Variants in ADGRF4 observed in about 807,000 individuals in gnomAD.
ADGRF4 encodes the protein adhesion G protein-coupled receptor F4.
A neutral mutation model predicts 58.5 loss-of-function variants in ADGRF4; 63 were observed. The ratio of observed to expected loss-of-function variants is 1.08; its 90% confidence interval spans 0.88 to 1.33. The LOEUF (loss-of-function observed/expected upper bound fraction) is 1.33. Among genes scored for constraint, ADGRF4 ranks in the 40% most tolerant of loss-of-function variants. ADGRF4 has a pLI of 0.00. For missense variants in ADGRF4, 931 were observed against 843.9 expected (o/e 1.10, Z -1.28); for synonymous variants, 313 against 295.4 (o/e 1.06, Z -0.61).
Position 47,721,635 on chromosome 6 carries a change from A to T in ADGRF4, c.*430A>T, listed in dbSNP as rs933792216. The T allele has an allele frequency of 6.6e-6, 1 of 151,256 alleles. No homozygotes were observed. Among genetic ancestry groups the T allele is most frequent in the Non-Finnish European group, 1.5e-5 (1 of 67,882 alleles). 9.4% of individuals were successfully genotyped at this position (151,256 alleles called of 1,614,324 possible). On this transcript the variant is annotated 3_prime_UTR_variant, in exon 10 of 10. Transcript: ENST00000283303. The stretch of plus-strand genomic sequence containing the variant: ...TGGATCCTGGGTACTTTGGACAGTG[A>T]GGGTTCGATCCAATTTTAGGGGTAG...
chr6:47,704,264 G>A (rs897775756), intron 1 of ADGRF4, among the ~76,000 whole-genome samples: 1 of 151,970 alleles, frequency 6.6e-6, no homozygotes, highest in African/African-American at 2.4e-5. Context: ...GGCTGGTCTC[G>A]AACTCCTGAC....
intron 2 of ADGRF4, 27 bp downstream of exon 2, chr6:47,707,365 C>T (rs767600291): frequency 7.3e-7 from 1 of 1,368,824 alleles, no homozygotes; most frequent in South Asian, 1.2e-5. Context: ...CCTATGTGAT[C>T]CGAGGAGAAA....
Position 47,713,979 on chromosome 6 carries a change from T to A in ADGRF4, c.734T>A (p.Phe245Tyr). The A allele has an allele frequency of 6.2e-7, 1 of 1,604,572 alleles. No individual in the cohort carries two copies. Among genetic ancestry groups the A allele is most frequent in the Non-Finnish European group, 8.5e-7 (1 of 1,175,214 alleles). Reference protein sequence around the residue: ...VNELFIQTKGFHINHNTSEKS... With the variant: ...VNELFIQTKGYHINHNTSEKS... Reference sequence around the variant, plus strand: ...GAACTCTTCATTCAGACAAAAGGGTTTCACATCAACCATAATACCTCAGAG... The same window carrying A: ...GAACTCTTCATTCAGACAAAAGGGTATCACATCAACCATAATACCTCAGAG... Residue 245 changes from phenylalanine to tyrosine, a missense_variant, in exon 6 of 10, where the codon TTT becomes TAT. By Grantham distance (22) the Phe-to-Tyr change is conservative (BLOSUM62 3). Coordinates refer to ENST00000283303, the MANE Select transcript of ADGRF4 (RefSeq NM_153838.5).
chr6:47,713,808 A>T lies in ADGRF4; in HGVS notation c.563A>T (p.Glu188Val). 6.5e-7 allele frequency: 1 copy of T among 1,548,010 alleles called. No homozygotes were observed. ...VTREKMKSYS[E>V]VANHILDTAA... ...CTTTCTCCATTGCAGAGCTATAGTG[A>T]AGTGGCCAACCACATCCTCGACACA... The change falls in exon 6 of 10, where the codon GAA (glutamate) becomes GTA (valine). Residue 188 changes from glutamate (E) to valine (V), a missense_variant. Glu to Val is a moderately radical substitution (Grantham distance 121, BLOSUM62 -2). Coordinates refer to ENST00000283303, the MANE Select transcript of ADGRF4 (RefSeq NM_153838.5).
intron 1 of ADGRF4, among the ~76,000 whole-genome samples, chr6:47,705,290 T>C (rs569385224): frequency 6.6e-6 from 1 of 152,378 alleles, no homozygotes; most frequent in South Asian, 2.1e-4. Context: ...TAAAACAATT[T>C]ATACTGTTTC....
intron 4 of ADGRF4, among the ~76,000 whole-genome samples, chr6:47,711,620 C>T (rs747234009): frequency 2.6e-5 from 4 of 152,224 alleles, no homozygotes; most frequent in Non-Finnish European, 5.9e-5. Flanking sequence ...GATGTGTGCT[C>T]AATCTAGAGG....
Position 47,714,671 on chromosome 6 carries a change from G to A in ADGRF4, c.1426G>A (p.Val476Met), listed in dbSNP as rs755434519. 1.9e-6 allele frequency: 3 copies of A among 1,614,038 alleles called. No individual in the cohort carries two copies. The highest frequency in any genetic ancestry group is 2.7e-5 in the African/African-American group (2 of 74,920). The change falls in exon 6 of 10, where the codon GTG (valine) becomes ATG (methionine). Residue 476 changes from valine (V) to methionine (M), a missense_variant. Val to Met is a conservative substitution (Grantham distance 21). Transcript: ENST00000283303. ...CCAGGACTACAACATGTGTGTTGCA[G>A]TGACATTTTTCAGCCACTTTTTCTA... is the stretch of plus-strand genomic sequence containing the variant. ...KAQDYNMCVAVTFFSHFFYLS... is the reference protein window; with the variant it reads ...KAQDYNMCVAMTFFSHFFYLS...
Position 47,715,005 on chromosome 6 carries a change from C to T in ADGRF4, c.1760C>T (p.Pro587Leu). The T allele has an allele frequency of 1.2e-6, 2 of 1,613,282 alleles. No homozygotes were observed. The highest frequency in any genetic ancestry group is 1.1e-5 in the South Asian group (1 of 91,072). ...GTTGTTGCTGTCAACACTCAGAGGC[C>T]CTCTATTGGCAGTTCCAAGTCTCAG... ...VLVVAVNTQR[P>L]SIGSSKSQDV... is the part of the protein sequence containing the mutation. Residue 587 changes from proline to leucine, a missense_variant, in exon 6 of 10, where the codon CCC (proline) becomes CTC (leucine). By Grantham distance (98) the Pro-to-Leu change is moderately conservative. Coordinates refer to ENST00000283303, the MANE Select transcript of ADGRF4 (RefSeq NM_153838.5).
intron 4 of ADGRF4, among the ~76,000 whole-genome samples, chr6:47,711,425 G>A (rs1771869251): frequency 6.6e-6 from 1 of 152,092 alleles, no homozygotes; most frequent in East Asian, 1.9e-4. Flanking sequence ...ACCACACCCA[G>A]CTAATTTTTG....
intron 1 of ADGRF4, among the ~76,000 whole-genome samples, chr6:47,700,894 A>G (rs982632772): frequency 6.6e-6 from 1 of 152,260 alleles, no homozygotes; most frequent in Non-Finnish European, 1.5e-5. Context: ...TCTGTATCTT[A>G]TCCTCTGCTG....
In ADGRF4 at chr6:47,716,787, C is replaced by A; in HGVS notation, c.1933-19C>A. 1 of 1,588,464 alleles carries A rather than the reference C, an allele frequency of 6.3e-7. No homozygotes were observed. On this transcript the variant is annotated intron_variant, in intron 6 of 9. Transcript: ENST00000283303. ...TTTTGAAAAACCATCCCTCATGAATCTGTTCAATTTTGCCACAGGGTTTTT... is the reference window on the plus strand; with the variant it reads ...TTTTGAAAAACCATCCCTCATGAATATGTTCAATTTTGCCACAGGGTTTTT...
intron 1 of ADGRF4, among the ~76,000 whole-genome samples, chr6:47,703,089 C>A (rs1334224935): frequency 6.6e-6 from 1 of 152,182 alleles, no homozygotes; most frequent in Non-Finnish European, 1.5e-5. Context: ...GGAGACCACT[C>A]ACTACATATA....
intron 1 of ADGRF4, among the ~76,000 whole-genome samples, chr6:47,703,890 T>C (rs1182536769): frequency 6.6e-6 from 1 of 152,226 alleles, no homozygotes; most frequent in Non-Finnish European, 1.5e-5. Context: ...GCTGGAGGCC[T>C]AGCACTAGTT....
chr6:47,716,746 T>C, intron 6 of ADGRF4, 60 bp from the exon 7 acceptor site: 1 of 1,278,906 alleles, frequency 7.8e-7, no homozygotes, highest in South Asian at 1.2e-5. Context: ...GGTATGAAAA[T>C]AACAGCAGGA....
Position 47,718,372 on chromosome 6 carries a change from A to AT in ADGRF4, c.2035-12dup. 7.0e-7 allele frequency: 1 copy of AT among 1,424,336 alleles called. No homozygotes were observed. The highest frequency in any genetic ancestry group is 2.3e-5 in the East Asian group (1 of 43,962). 88.2% of individuals were successfully genotyped at this position (1,424,336 alleles called of 1,614,324 possible). A position where few individuals can be genotyped will look rare whatever the true frequency, so the allele number is the denominator to read the frequency against. ...ATAATTACTCATTACCACTACTGTT[A>AT]TTTTTCCCCCACTTAGAATGCATCA... On this transcript the variant is annotated splice_polypyrimidine_tract_variant and intron_variant, in intron 8 of 9. Transcript: ENST00000283303.
chr6:47,712,253 T>G, intron 4 of ADGRF4, 104 bp from the exon 5 acceptor site: 1 of 1,128,026 alleles, frequency 8.9e-7, no homozygotes, highest in East Asian at 2.4e-5. Flanking sequence ...GACTCTTTGC[T>G]TCTCCATCTA....
At chr6:47,719,051 G>A (rs542912007) in intron 9 of ADGRF4, among the ~76,000 whole-genome samples, 2 of 152,288 alleles carry the variant, frequency 1.3e-5, no homozygotes, top group African/African-American at 2.4e-5. Context: ...GAGAGGTTTC[G>A]TGGCCTTTCT....
chr6:47,718,460 T>C lies in ADGRF4; in HGVS notation c.*3+15T>C. The C allele has an allele frequency of 6.8e-7, 1 of 1,467,930 alleles. No homozygotes were observed. 90.9% of individuals were successfully genotyped at this position (1,467,930 alleles called of 1,614,324 possible). A position where few individuals can be genotyped will look rare whatever the true frequency, so the allele number is the denominator to read the frequency against. On this transcript the variant is annotated intron_variant, in intron 9 of 9. Transcript: ENST00000283303. ...AAGGATGAAATGTGAGTATTAAAAATATAAAGAGAAATTTCACTTGCAATT... is the reference window on the plus strand; with the variant it reads ...AAGGATGAAATGTGAGTATTAAAAACATAAAGAGAAATTTCACTTGCAATT...
rs1771977285 is a variant in ADGRF4 at position 47,714,987 on chromosome 6, C to T, written c.1742C>T (p.Ala581Val). 1.2e-6 allele frequency: 2 copies of T among 1,613,402 alleles called. No individual in the cohort carries two copies. Among genetic ancestry groups the T allele is most frequent in the African/African-American group, 2.7e-5 (2 of 74,916 alleles). ...AATCTGATTGTGGTTTTGGTTGTTGCTGTCAACACTCAGAGGCCCTCTATT... is the reference window on the plus strand; with the variant it reads ...AATCTGATTGTGGTTTTGGTTGTTGTTGTCAACACTCAGAGGCCCTCTATT... ...AVNLIVVLVV[A>V]VNTQRPSIGS... The change falls in exon 6 of 10, where the codon GCT (alanine) becomes GTT (valine). Residue 581 changes from alanine to valine, a missense_variant. Physicochemically the swap from Ala to Val is moderately conservative, Grantham distance 64. Transcript: ENST00000283303.
Sources: allele counts gnomAD v4.1 joint callset (sites outside exome capture counted in the v4.1 genomes callset), GRCh38; gene constraint gnomAD v4.1.1; transcripts MANE v1.5; gene names NCBI Gene and HGNC (gene_info 2026-07-23, HGNC 2026-07-21).